The following LARGE1 variants were observed in gnomAD, a reference collection of about 807,000 sequenced individuals.
LARGE1 encodes the protein LARGE xylosyl- and glucuronyltransferase 1.
Under a neutral mutation model 87.6 loss-of-function variants are expected in LARGE1, and 43 were observed. The observed-to-expected ratio is 0.49, with a 90% confidence interval of 0.38 to 0.63. The LOEUF (loss-of-function observed/expected upper bound fraction) is 0.63, where lower values mean the gene tolerates loss of function less well. Ranked by LOEUF, LARGE1 falls within the 30% of genes least tolerant of loss-of-function variation. The pLI is 0.00. For missense variants in LARGE1, 802 were observed against 1,000.2 expected (o/e 0.80, Z 2.67); for synonymous variants, 434 against 394.6 (o/e 1.10, Z -1.18).
At chr22:33,324,225 T>C (rs1351719575) in intron 10 of LARGE1, among the ~76,000 whole-genome samples, 1 of 37,590 alleles carries the variant, frequency 2.7e-5, no homozygotes, top group South Asian at 1.2e-3. Context: ...CAAGACTCCA[T>C]CTCAAAAAAA....
intron 6 of LARGE1, among the ~76,000 whole-genome samples, chr22:33,498,738 G>A (rs1160743957): frequency 2.6e-5 from 4 of 152,134 alleles, no homozygotes; most frequent in Admixed American, 6.5e-5. Context: ...TTGGGAGGCC[G>A]AGGTGGGCGG....
At chr22:33,704,283 AC>A (rs1474983809) in intron 2 of LARGE1, among the ~76,000 whole-genome samples, 2 of 152,200 alleles carry the variant, frequency 1.3e-5, no homozygotes, top group African/African-American at 4.8e-5. Context: ...CAGGGCTGTG[AC>A]CCAGTACAAG....
chr22:33,202,545 C>T (rs1924452200), intron 11 of LARGE1, among the ~76,000 whole-genome samples: 1 of 152,108 alleles, frequency 6.6e-6, no homozygotes, highest in African/African-American at 2.4e-5. Flanking sequence ...ACATAATTTC[C>T]TTGGGCTTAC....
chr22:33,786,751 G>T lies in LARGE1; in HGVS notation c.-82-25193C>A, dbSNP rs538301639. ...TTAACAGTAAGATAGGCTGGGCGCA[G>T]TGGCTCACGCCTGTAATCCCAGCAC... On this transcript the variant is annotated intron_variant, in intron 1 of 14. Transcript: ENST00000397394. 1.0e-3 allele frequency among the ~76,000 whole-genome samples: 155 copies of T among 152,348 alleles called. No homozygotes were observed. In the Middle Eastern group the frequency reaches 0.01, roughly 10 times the overall value.
chr22:33,173,616 T>A lies in LARGE1; in HGVS notation c.1731-6784A>T, dbSNP rs556331223. Among the ~76,000 whole-genome samples, 160 of 149,524 alleles carry A rather than the reference T, an allele frequency of 1.1e-3. 1 individual carries two copies. Among genetic ancestry groups the A allele is most frequent in the African/African-American group, 3.8e-3 (155 of 40,570 alleles). ...CCCATCTCACATGCAAAGACACATA[T>A]AAGCTCAAAATAAAGGGAAGGAGGA... On this transcript the variant is annotated intron_variant, in intron 11 of 11. Coordinates refer to the LARGE1 transcript ENST00000608642.
At chr22:33,231,121 GTTC>G (rs1264053003) in intron 11 of LARGE1, among the ~76,000 whole-genome samples, 1 of 152,216 alleles carries the variant, frequency 6.6e-6, no homozygotes, top group Non-Finnish European at 1.5e-5. Context: ...AACAAAAACA[GTTC>G]TTATGTTCTT....
intron 2 of LARGE1, among the ~76,000 whole-genome samples, chr22:33,693,018 T>C (rs2082139235): frequency 6.6e-6 from 1 of 152,052 alleles, no homozygotes; most frequent in Non-Finnish European, 1.5e-5. Context: ...ATCAGTAGAC[T>C]GGATAAAGAA....
chr22:33,761,380 T>C lies in LARGE1; in HGVS notation c.97A>G (p.Ser33Gly). The change falls in exon 2 of 15, where the codon AGC becomes GGC. Residue 33 changes from serine (S) to glycine (G), a missense_variant. Physicochemically the swap from Ser to Gly is moderately conservative, Grantham distance 56. This residue lies in a region of LARGE1 where 177 missense variants were observed against 158.3 expected (regional missense o/e 1.12). Transcript: ENST00000397394. ...AITWIYLFSGSFEDGKPVSLS... is the reference protein window; with the variant it reads ...AITWIYLFSGGFEDGKPVSLS... ...TGGCTTCCATTCTTACCTTCGAAGC[T>C]CCCAGAAAACAGGTAAATCCAGGTG... 1.9e-6 allele frequency: 3 copies of C among 1,613,606 alleles called. No homozygotes were observed. The highest frequency in any genetic ancestry group is 2.5e-6 in the Non-Finnish European group (3 of 1,179,646).
intron 12 of LARGE1, among the ~76,000 whole-genome samples, chr22:33,284,767 T>A (rs574293009): frequency 1.3e-5 from 2 of 152,110 alleles, no homozygotes; most frequent in Non-Finnish European, 2.9e-5. Flanking sequence ...TAGTAGAGAC[T>A]GGGTTTCACC....
the LARGE1 span, among the ~76,000 whole-genome samples, chr22:33,090,816 T>C: frequency 3.0e-4 from 45 of 152,220 alleles, no homozygotes; most frequent in East Asian, 7.9e-3. Context: ...GGAAATTGAG[T>C]TCTCTTGCTT....
At chr22:33,270,789 A>G (rs369228884), downstream of LARGE1, among the ~76,000 whole-genome samples, 1 of 152,230 alleles carries the variant, frequency 6.6e-6, no homozygotes, top group African/African-American at 2.4e-5. Flanking sequence ...AAGGAACAGA[A>G]TTAAAGTAGG....
intron 5 of LARGE1, among the ~76,000 whole-genome samples, chr22:33,578,166 G>T (rs998537876): frequency 3.3e-5 from 5 of 152,222 alleles, no homozygotes; most frequent in African/African-American, 7.2e-5. Flanking sequence ...AAGGCAACCA[G>T]ATTGTGAGGA....
At chr22:33,080,957 C>CCATT in the LARGE1 span, among the ~76,000 whole-genome samples, 1 of 148,948 alleles carries the variant, frequency 6.7e-6, no homozygotes, top group Non-Finnish European at 1.5e-5. Flanking sequence ...TGTCTTCCAT[C>CCATT]CATCCATCCA....
At chr22:33,876,296 G>A (rs16993207) in intron 1 of LARGE1, among the ~76,000 whole-genome samples, 8,809 of 152,036 alleles carry the variant, frequency 0.058, 866 homozygotes, top group African/African-American at 0.2. Flanking sequence ...GCTCAAAAGT[G>A]TGGGCCCACG....
At chr22:33,656,156 T>C (rs182068144) in intron 2 of LARGE1, among the ~76,000 whole-genome samples, 420 of 152,228 alleles carry the variant, frequency 2.8e-3, no homozygotes, top group African/African-American at 9.5e-3. Flanking sequence ...TTCACGCTGC[T>C]GATAAAGACA....
At chr22:33,626,835 A>G (rs772299219) in intron 3 of LARGE1, among the ~76,000 whole-genome samples, 4 of 152,198 alleles carry the variant, frequency 2.6e-5, no homozygotes, top group Non-Finnish European at 5.9e-5. Flanking sequence ...AGTTCAAAGA[A>G]CGGAAGACTG....
At chr22:33,407,439 A>G (rs977431064) in intron 7 of LARGE1, among the ~76,000 whole-genome samples, 1 of 152,214 alleles carries the variant, frequency 6.6e-6, no homozygotes, top group Non-Finnish European at 1.5e-5. Flanking sequence ...TTTCTTGTGC[A>G]TATCTTTCCA....
At chr22:33,387,102 TCAAAAAACAAAAAACAAAAAA>T (rs147739985) in intron 7 of LARGE1, among the ~76,000 whole-genome samples, 1 of 143,186 alleles carries the variant, frequency 7.0e-6, no homozygotes, top group African/African-American at 2.6e-5. Flanking sequence ...AGACTCCATC[TCAAAAAACAAAAAACAAAAAA>T]CAAAAAACAA....
intron 9 of LARGE1, among the ~76,000 whole-genome samples, chr22:33,346,482 T>C (rs1159757287): frequency 1.3e-5 from 2 of 152,226 alleles, no homozygotes; most frequent in East Asian, 1.9e-4. Flanking sequence ...TTTGTATTTT[T>C]AGTAGAGACG....
Sources: gnomAD v4.1 joint callset for allele counts (sites outside exome capture counted in the v4.1 genomes callset) on GRCh38, gnomAD v4.1.1 for gene constraint, gnomAD v4.1.1 regional missense constraint, MANE v1.5 for transcripts, NCBI Gene and HGNC (gene_info 2026-07-23, HGNC 2026-07-21) for gene names.